The following GLIS1 variants were observed in gnomAD, a reference collection of about 807,000 sequenced individuals.
GLIS1 encodes zinc finger protein GLIS1.
In GLIS1, 24 loss-of-function variants were observed where a neutral mutation model predicts 63.8. The observed-to-expected ratio is 0.38, with a 90% CI of 0.27 to 0.53. GLIS1 has a LOEUF of 0.53. GLIS1 is among the 20% of genes least tolerant of loss of function. The probability of loss-of-function intolerance (pLI) is 0.85; values close to 1 mark genes in which losing one functional copy is unlikely to be tolerated. For missense variants in GLIS1, 1,036 were observed against 1,074.1 expected, an observed-to-expected ratio of 0.96 and a Z score of 0.50; for synonymous variants, 450 against 482.5, an observed-to-expected ratio of 0.93 and a Z score of 0.88.
chr1:53,574,266 A>C lies in GLIS1; in HGVS notation c.1320+19842T>G, dbSNP rs1645011005. Among the ~76,000 whole-genome samples, 1 of 152,176 alleles carries C rather than the reference A, an allele frequency of 6.6e-6. No homozygotes were observed. Among genetic ancestry groups the C allele is most frequent in the African/African-American group, 2.4e-5 (1 of 41,448 alleles). ...AGCTTCCCCTGCCACTGCCCCATCC[A>C]GCCTGCCTTCACCTCAGGTCCCATT... On this transcript the variant is annotated intron_variant, in intron 4 of 10. Coordinates refer to ENST00000628545, the MANE Select transcript of GLIS1 (RefSeq NM_001367484.1). This position sits in a 1 kb window ranked among gnomAD's most constrained non-coding sequence, Gnocchi z 4.2.
chr1:53,615,133 T>C (rs10888796), intron 2 of GLIS1, among the ~76,000 whole-genome samples: 33,261 of 152,044 alleles, frequency 0.22, 3,761 homozygotes, highest in East Asian at 0.39. Flanking sequence ...CTGTGAATAG[T>C]TCCCTGTCCC....
chr1:53,690,857 G>A (rs547731666), intron 2 of GLIS1, among the ~76,000 whole-genome samples: 15 of 152,180 alleles, frequency 9.9e-5, no homozygotes, highest in African/African-American at 3.4e-4. Context: ...CACTCCAACC[G>A]CTTTGCATAA....
rs1645851432 is a variant in GLIS1 at position 53,646,929 on chromosome 1, G to GA, written c.260-46652dup. 6.9e-6 allele frequency among the ~76,000 whole-genome samples: 1 copy of GA among 144,948 alleles called. No individual in the cohort carries two copies. Among genetic ancestry groups the GA allele is most frequent in the Non-Finnish European group, 1.5e-5 (1 of 66,564 alleles). On this transcript the variant is annotated intron_variant, in intron 2 of 10. Transcript: ENST00000628545. The surrounding 1 kb of genome is among the most constrained non-coding windows in gnomAD (Gnocchi z 4.2). ...GAAGGAAGGGAAGGAAGGAAGGAAG[G>GA]AAAGAAGGAAGGAAAGGGAAGGGAA...
intron 2 of GLIS1, among the ~76,000 whole-genome samples, chr1:53,640,496 C>G (rs1406950270): frequency 1.3e-5 from 2 of 152,154 alleles, no homozygotes; most frequent in Non-Finnish European, 2.9e-5. Flanking sequence ...AGTTGGGATC[C>G]TCAGGCCCCC....
At chr1:53,547,402 A>T (rs2316192) in intron 4 of GLIS1, among the ~76,000 whole-genome samples, 90,791 of 152,152 alleles carry the variant, frequency 0.6, 27,462 homozygotes, top group Middle Eastern at 0.64. Context: ...AAGACCAACA[A>T]TGCACCCTGG....
chr1:53,555,172 G>C (rs1157040247), intron 4 of GLIS1, among the ~76,000 whole-genome samples: 1 of 152,178 alleles, frequency 6.6e-6, no homozygotes, highest in Non-Finnish European at 1.5e-5. Context: ...AGGCCACTCT[G>C]GTTCTGGAAA....
intron 4 of GLIS1, among the ~76,000 whole-genome samples, chr1:53,584,551 C>A (rs1363807245): frequency 6.6e-6 from 1 of 152,204 alleles, no homozygotes; most frequent in East Asian, 1.9e-4. Flanking sequence ...TCCTTTGACA[C>A]TGTACTCCTT....
Position 53,615,188 on chromosome 1 carries a change from A to G in GLIS1, c.260-14910T>C, listed in dbSNP as rs537620540. 2.6e-5 allele frequency among the ~76,000 whole-genome samples: 4 copies of G among 152,106 alleles called. No individual in the cohort carries two copies. In the South Asian group the frequency reaches 6.3e-4, roughly 24 times the overall value. The stretch of plus-strand genomic sequence containing the variant: ...ATTTGACGGCAGGGGTCAGGAGGAC[A>G]CTCTCAGATGCTGGCCCAGGGAACT... On this transcript the variant is annotated intron_variant, in intron 2 of 10. Transcript: ENST00000628545.
At chr1:53,591,774 C>G (rs1645194995) in intron 4 of GLIS1, among the ~76,000 whole-genome samples, 1 of 152,190 alleles carries the variant, frequency 6.6e-6, no homozygotes, top group South Asian at 2.1e-4. Context: ...AATCCTAAAC[C>G]CTGGAAGAGG....
chr1:53,628,011 G>A (rs1413127802), intron 2 of GLIS1, among the ~76,000 whole-genome samples: 7 of 152,302 alleles, frequency 4.6e-5, no homozygotes, highest in East Asian at 1.9e-4. Context: ...GGAGGACCCC[G>A]TCTGAGAGCA....
intron 4 of GLIS1, among the ~76,000 whole-genome samples, chr1:53,570,483 C>A (rs1165098944): frequency 6.6e-6 from 1 of 151,974 alleles, no homozygotes; most frequent in Non-Finnish European, 1.5e-5. Flanking sequence ...CCAAGAAAAG[C>A]CAAGGAACAC....
rs1238712879 is a variant in GLIS1, at chr1:53,511,433, C to T, written c.1884-1406G>A. ...GCTGTGCCAAGTTCCTCTCTGCTCC[C>T]TCCAACGTTGGCAGCCCCTCCACTG... On this transcript the variant is annotated intron_variant, in intron 8 of 10. Coordinates refer to ENST00000628545, the MANE Select transcript of GLIS1 (RefSeq NM_001367484.1). This position sits in a 1 kb window ranked among gnomAD's most constrained non-coding sequence, Gnocchi z 4.2. Among the ~76,000 whole-genome samples the T allele has an allele frequency of 6.6e-6, 1 of 152,186 alleles. No individual in the cohort carries two copies. The highest frequency in any genetic ancestry group is 3.2e-3 in the Middle Eastern group (1 of 316).
intron 2 of GLIS1, among the ~76,000 whole-genome samples, chr1:53,638,013 C>T (rs1369855025): frequency 6.6e-6 from 1 of 152,226 alleles, no homozygotes; most frequent in Non-Finnish European, 1.5e-5. Context: ...CAGGCCAAAG[C>T]CTGCAGCCTG....
At chr1:53,546,955 G>A (rs1489131058) in intron 4 of GLIS1, among the ~76,000 whole-genome samples, 1 of 152,184 alleles carries the variant, frequency 6.6e-6, no homozygotes, top group Non-Finnish European at 1.5e-5. Flanking sequence ...GACTGGGTAT[G>A]GAAGGCTGAC....
intron 2 of GLIS1, among the ~76,000 whole-genome samples, chr1:53,634,904 C>T (rs916413424): frequency 1.3e-5 from 2 of 152,116 alleles, no homozygotes; most frequent in Non-Finnish European, 2.9e-5. Flanking sequence ...CCACCGCCTT[C>T]CATCCCCCAT....
intron 7 of GLIS1, among the ~76,000 whole-genome samples, chr1:53,520,360 G>T (rs754957765): frequency 6.6e-6 from 1 of 152,244 alleles, no homozygotes; most frequent in Non-Finnish European, 1.5e-5. Flanking sequence ...ACACCTTGAA[G>T]GCCAGGCTGA....
At chr1:53,628,616 C>T (rs116210726) in intron 2 of GLIS1, among the ~76,000 whole-genome samples, 1,617 of 152,210 alleles carry the variant, frequency 0.011, 17 homozygotes, top group African/African-American at 0.024. Context: ...TCTCAGAAGC[C>T]GAAGCCACTT....
intron 6 of GLIS1, among the ~76,000 whole-genome samples, chr1:53,522,890 G>A (rs1459241835): frequency 6.6e-6 from 1 of 152,112 alleles, no homozygotes; most frequent in East Asian, 1.9e-4. Context: ...TTCCAGCCTG[G>A]GTGACAGAGT....
chr1:53,632,090 GGT>G (rs1553131240), intron 2 of GLIS1, among the ~76,000 whole-genome samples: 1 of 151,598 alleles, frequency 6.6e-6, no homozygotes, highest in African/African-American at 2.4e-5. Flanking sequence ...GTGACTGAGG[GGT>G]GTGTGAATGA....
Sources: allele counts gnomAD v4.1 joint callset (sites outside exome capture counted in the v4.1 genomes callset), GRCh38; gene constraint gnomAD v4.1.1; non-coding constraint Gnocchi (gnomAD v3.1); transcripts MANE v1.5; gene names NCBI Gene and HGNC (gene_info 2026-07-23, HGNC 2026-07-21).